PNPT1: variants seen among roughly 807,000 people sequenced by gnomAD.
PNPT1 encodes the protein polyribonucleotide nucleotidyltransferase 1.
In PNPT1, 53 loss-of-function variants were observed where a neutral mutation model predicts 119.5. The ratio of observed to expected loss-of-function variants is 0.44; its 90% CI spans 0.36 to 0.56. PNPT1 has a LOEUF of 0.56. Ranked by LOEUF, PNPT1 falls within the 20% of genes least tolerant of loss-of-function variation. The pLI, the probability that PNPT1 is intolerant of heterozygous loss-of-function variation, is 0.00. For synonymous variants in PNPT1, 357 were observed against 322.1 expected (o/e 1.11, Z -1.16); for missense variants, 948 against 938.5 (o/e 1.01, Z -0.13).
At position 55,683,347 on chromosome 2, in the gene PNPT1, G is replaced by A. The variant is rs979546920; in HGVS notation, c.453+438C>T. ...CACTATCTTTTGGCCAGGCACAGTG[G>A]CTCACGCCTGTAATCCTAGCACTTT... On this transcript the variant is annotated intron_variant, in intron 5 of 27. Coordinates refer to ENST00000447944, the MANE Select transcript of PNPT1 (RefSeq NM_033109.5). 5.3e-5 allele frequency among the ~76,000 whole-genome samples: 8 copies of A among 152,180 alleles called. No individual in the cohort carries two copies. In the South Asian group the frequency reaches 1.4e-3, roughly 28 times the overall value.
chr2:55,679,443 ATAAT>A (rs1446113547), intron 8 of PNPT1, among the ~76,000 whole-genome samples: 25 of 152,200 alleles, frequency 1.6e-4, no homozygotes, highest in African/African-American at 5.8e-4. Context: ...TAGTCTAAAA[ATAAT>A]TACTGAAATG....
chr2:55,650,408 G>C (rs1017242997), intron 18 of PNPT1, among the ~76,000 whole-genome samples: 2 of 152,230 alleles, frequency 1.3e-5, no homozygotes, highest in Non-Finnish European at 2.9e-5. Flanking sequence ...GCATCCTGAG[G>C]TGCCGGGATT....
intron 3 of PNPT1, among the ~76,000 whole-genome samples, chr2:55,685,659 C>T (rs1697383685): frequency 6.6e-6 from 1 of 152,052 alleles, no homozygotes; most frequent in African/African-American, 2.4e-5. Context: ...TATAATTGTA[C>T]ACCCCTTTTC....
At position 55,660,139 on chromosome 2, in the gene PNPT1, GA is replaced by G. The variant is rs760450242; in HGVS notation, c.1284+17del. The G allele has an allele frequency of 6.4e-7, 1 of 1,567,778 alleles. No individual in the cohort carries two copies. Among genetic ancestry groups the G allele is most frequent in the East Asian group, 2.3e-5 (1 of 43,606 alleles). ...ATTAATTTATTAATAAAATTTTGAG[GA>G]AAAAAATTCACCTTACCTCGTAGTG... On this transcript the variant is annotated intron_variant, in intron 15 of 27. Transcript: ENST00000447944.
rs771597979 is a variant in PNPT1 at position 55,683,820 on chromosome 2, G to A, written c.418C>T (p.Pro140Ser). Residue 140 changes from proline (P) to serine (S), a missense_variant, in exon 5 of 28, where the codon CCG becomes TCG. Pro to Ser is a moderately conservative substitution (Grantham distance 74). Transcript: ENST00000447944. The stretch of plus-strand genomic sequence containing the variant: ...TAGAAGTAGCCAGCTGGAAAGAGCG[G>A]TCTAATTGAACGATCTGCCAAAAGA... ...TSRIIDRSIR[P>S]LFPAGYFYDT... The A allele has an allele frequency of 2.0e-5, 33 of 1,613,416 alleles. No homozygotes were observed. The Admixed American group carries it at 5.5e-4, about 27-fold the overall frequency.
intron 8 of PNPT1, among the ~76,000 whole-genome samples, chr2:55,675,675 C>T (rs1221870432): frequency 6.6e-6 from 1 of 151,962 alleles, no homozygotes; most frequent in African/African-American, 2.4e-5. Context: ...TCCAGCTTGG[C>T]AACAGAGTGA....
chr2:55,650,080 G>A lies in PNPT1; in HGVS notation c.1496-2627C>T, dbSNP rs1696123167. 2.7e-5 allele frequency among the ~76,000 whole-genome samples: 4 copies of A among 150,598 alleles called. No individual in the cohort carries two copies. The South Asian group carries it at 8.5e-4, about 32-fold the overall frequency. On this transcript the variant is annotated intron_variant, in intron 18 of 27. Coordinates refer to ENST00000447944, the MANE Select transcript of PNPT1 (RefSeq NM_033109.5). ...CTTCAAATAGGAGATTTTATGTTGG[G>A]GAAAGAAGGATTGGTAAAGAATTCT...
rs528321104 is a variant in PNPT1, at chr2:55,641,669, T to C, written c.2070-964A>G. Among the ~76,000 whole-genome samples, 3 of 152,316 alleles carry C rather than the reference T, an allele frequency of 2.0e-5. No homozygotes were observed. In the South Asian group the frequency reaches 6.2e-4, roughly 32 times the overall value. On this transcript the variant is annotated intron_variant, in intron 25 of 27. Coordinates refer to ENST00000447944, the MANE Select transcript of PNPT1 (RefSeq NM_033109.5). ...TATGAAAATAAGCCATCCCATTTCT[T>C]ATTTTTCACCTGCAATATTAAACAA...
intron 8 of PNPT1, among the ~76,000 whole-genome samples, chr2:55,674,900 T>C (rs1008281078): frequency 1.3e-5 from 2 of 152,250 alleles, no homozygotes; most frequent in Admixed American, 6.5e-5. Context: ...TTTGACAGGA[T>C]TAATCCGGAG....
intron 13 of PNPT1, among the ~76,000 whole-genome samples, chr2:55,665,253 T>C (rs1048250550): frequency 2.6e-5 from 4 of 152,200 alleles, no homozygotes; most frequent in Non-Finnish European, 4.4e-5. Flanking sequence ...CTTCCTTTCA[T>C]ACAACGTGTA....
intron 18 of PNPT1, among the ~76,000 whole-genome samples, chr2:55,652,762 T>G (rs560891154): frequency 6.6e-6 from 1 of 152,344 alleles, no homozygotes; most frequent in African/African-American, 2.4e-5. Context: ...CTACTGCAAA[T>G]GCAGTAATTT....
intron 3 of PNPT1, among the ~76,000 whole-genome samples, chr2:55,685,532 T>TA (rs879469960): frequency 2.5e-4 from 37 of 145,342 alleles, no homozygotes; most frequent in Middle Eastern, 3.6e-3. Context: ...CCCTGTCTCT[T>TA]AAAAAAAAAA....
At position 55,660,208 on chromosome 2, in the gene PNPT1, C is replaced by T; in HGVS notation, c.1248-15G>A. The T allele has an allele frequency of 2.5e-6, 4 of 1,578,100 alleles. No individual in the cohort carries two copies. Among genetic ancestry groups the T allele is most frequent in the Non-Finnish European group, 3.4e-6 (4 of 1,160,928 alleles). ...CTTTTATCCCACTAAAAATAAAAGG[C>T]ATAATATTAAAAACATCATAGGGAA... is the stretch of plus-strand genomic sequence containing the variant. On this transcript the variant is annotated splice_polypyrimidine_tract_variant and intron_variant, in intron 14 of 27. Transcript: ENST00000447944.
At chr2:55,684,247 C>T (rs970102403) in intron 4 of PNPT1, among the ~76,000 whole-genome samples, 32 of 152,208 alleles carry the variant, frequency 2.1e-4, no homozygotes, top group African/African-American at 7.2e-4. Context: ...AATCCCAGCA[C>T]TTGGGAGGCT....
Position 55,645,449 on chromosome 2 carries a change from C to G in PNPT1, c.1739-17G>C. The G allele has an allele frequency of 6.6e-7, 1 of 1,519,994 alleles. No homozygotes were observed. The highest frequency in any genetic ancestry group is 1.1e-5 in the South Asian group (1 of 88,452). 94.2% of individuals were successfully genotyped at this position (1,519,994 alleles called of 1,614,324 possible). A position where few individuals can be genotyped will look rare whatever the true frequency, so the allele number is the denominator to read the frequency against. ...TTTTTGCCACTAGAAGAGAAAAACACAAAAATTATAACTACATAAAACAAA... is the reference window on the plus strand; with the variant it reads ...TTTTTGCCACTAGAAGAGAAAAACAGAAAAATTATAACTACATAAAACAAA... On this transcript the variant is annotated splice_polypyrimidine_tract_variant and intron_variant, in intron 21 of 27. Coordinates refer to ENST00000447944, the MANE Select transcript of PNPT1 (RefSeq NM_033109.5).
chr2:55,679,599 T>C, intron 8 of PNPT1, 83 bp downstream of exon 8: 2 of 1,003,944 alleles, frequency 2.0e-6, no homozygotes, highest in South Asian at 1.5e-5. Flanking sequence ...CGACAAAACA[T>C]ACACACAGAG....
At chr2:55,672,116 A>G (rs1696935575) in intron 9 of PNPT1, 70 bp from the exon 10 acceptor site, 1 of 1,144,400 alleles carries the variant, frequency 8.7e-7, no homozygotes, top group Admixed American at 2.4e-5. Flanking sequence ...ATTATAAACA[A>G]AACTGAAATA....
rs760982273 is a variant in PNPT1, at chr2:55,673,025, A to G, written c.734T>C (p.Ile245Thr). ...TTGGGTATATTTCACTCCCACTTTGATAGCATGGCAAAAGTCCTGCTGTAA... is the reference window on the plus strand; with the variant it reads ...TTGGGTATATTTCACTCCCACTTTGGTAGCATGGCAAAAGTCCTGCTGTAA... ...NILQQDFCHA[I>T]KVGVKYTQQI... The change falls in exon 9 of 28, where the codon ATC becomes ACC. Residue 245 changes from isoleucine (I) to threonine (T), a missense_variant. Physicochemically the swap from Ile to Thr is moderately conservative, Grantham distance 89. Coordinates refer to ENST00000447944, the MANE Select transcript of PNPT1 (RefSeq NM_033109.5). 6.2e-7 allele frequency: 1 copy of G among 1,612,588 alleles called. No individual in the cohort carries two copies. Among genetic ancestry groups the G allele is most frequent in the South Asian group, 1.1e-5 (1 of 90,866 alleles).
chr2:55,648,540 G>T (rs1386776589), intron 18 of PNPT1, among the ~76,000 whole-genome samples: 2 of 152,070 alleles, frequency 1.3e-5, no homozygotes, highest in African/African-American at 4.8e-5. Context: ...TGTAAAAAAT[G>T]GTTATTTTAA....
Sources: gnomAD v4.1 joint callset for allele counts (sites outside exome capture counted in the v4.1 genomes callset) on GRCh38, gnomAD v4.1.1 for gene constraint, MANE v1.5 for transcripts, NCBI Gene and HGNC (gene_info 2026-07-23, HGNC 2026-07-21) for gene names.